The following LYZL2 variants were observed in gnomAD, a reference collection of about 807,000 sequenced individuals.
The protein encoded by LYZL2 is lysozyme-like protein 2.
Under a neutral mutation model 17.1 loss-of-function variants are expected in LYZL2, and 13 were observed. The ratio of observed to expected loss-of-function variants is 0.76; its 90% CI spans 0.49 to 1.21. The LOEUF (loss-of-function observed/expected upper bound fraction) is 1.21, where lower values mean the gene tolerates loss of function less well. Among genes scored for constraint, LYZL2 ranks in the 50% most tolerant of loss-of-function variants. The probability of loss-of-function intolerance (pLI) is 0.00; values close to 1 mark genes in which losing one functional copy is unlikely to be tolerated. For synonymous variants in LYZL2, 63 were observed against 74.4 expected (o/e 0.85, Z 0.79); for missense variants, 166 against 189.2 (o/e 0.88, Z 0.72).
chr10:30,610,270 G>A (rs759638652), downstream of LYZL2, among the ~76,000 whole-genome samples: 3 of 152,146 alleles, frequency 2.0e-5, no homozygotes, highest in Admixed American at 6.5e-5. Flanking sequence ...CTGGATGTTG[G>A]GGGTAAGAGC....
rs755268497 is a variant in LYZL2 at position 30,626,772 on chromosome 10, C to T, written c.139+5G>A. On this transcript the variant is annotated splice_donor_5th_base_variant and intron_variant, in intron 2 of 4. Transcript: ENST00000647634. ...AGAAAGAGAGCAGGAAAGAAATAAT[C>T]TCACAGTTTCCAAGGCTGAAGCCCC... The T allele has an allele frequency of 1.2e-6, 2 of 1,614,138 alleles. No homozygotes were observed. The highest frequency in any genetic ancestry group is 8.5e-7 in the Non-Finnish European group (1 of 1,180,058).
At chr10:30,616,581 G>C (rs780591070) in intron 3 of LYZL2, among the ~76,000 whole-genome samples, 29 of 152,172 alleles carry the variant, frequency 1.9e-4, no homozygotes, top group African/African-American at 2.9e-4. Flanking sequence ...TAAATATTTA[G>C]GATAATAACA....
intron 3 of LYZL2, 62 bp downstream of exon 3, chr10:30,626,043 T>C: frequency 6.4e-7 from 1 of 1,567,622 alleles, no homozygotes; most frequent in Non-Finnish European, 8.6e-7. Context: ...TGGTTGGTGA[T>C]CCCATTGTCG....
intron 3 of LYZL2, among the ~76,000 whole-genome samples, chr10:30,625,638 C>T (rs1474672314): frequency 3.3e-5 from 5 of 152,092 alleles, no homozygotes; most frequent in South Asian, 2.1e-4. Context: ...GAGCTATGAA[C>T]GCACCACTAC....
At chr10:30,611,579 GAA>G (rs773500925), downstream of LYZL2, among the ~76,000 whole-genome samples, 1 of 108,430 alleles carries the variant, frequency 9.2e-6, no homozygotes, top group African/African-American at 3.9e-5. Flanking sequence ...AGGAAAGAAA[GAA>G]AGAAAGAAAG....
Position 30,626,777 on chromosome 10 carries a change from A to G in LYZL2, c.139T>C (p.Trp47Arg), listed in dbSNP as rs1838715201. 1 of 1,614,260 alleles carries G rather than the reference A, an allele frequency of 6.2e-7. No homozygotes were observed. The highest frequency in any genetic ancestry group is 2.2e-5 in the East Asian group (1 of 44,890). Residue 47 changes from tryptophan (W) to arginine (R), a missense_variant and splice_region_variant, in exon 2 of 5, where the codon TGG becomes CGG. By Grantham distance (101) the Trp-to-Arg change is moderately radical (BLOSUM62 -3). This residue lies in a region of LYZL2 where 32 missense variants were observed against 59.8 expected (regional missense o/e 0.53). Coordinates refer to ENST00000647634, the MANE Select transcript of LYZL2 (RefSeq NM_183058.3). ...GAGAGCAGGAAAGAAATAATCTCAC[A>G]GTTTCCAAGGCTGAAGCCCCAGTAA... ...DNYWGFSLGN[W>R]ICMAYYESGY...
intron 3 of LYZL2, among the ~76,000 whole-genome samples, chr10:30,624,670 C>T (rs1294809407): frequency 1.3e-5 from 2 of 152,224 alleles, no homozygotes; most frequent in Non-Finnish European, 2.9e-5. Context: ...GTGGCTAGAA[C>T]TACAGGCATA....
chr10:30,627,528 A>G (rs576274159), intron 1 of LYZL2, among the ~76,000 whole-genome samples: 2 of 152,216 alleles, frequency 1.3e-5, no homozygotes, highest in South Asian at 2.1e-4. Flanking sequence ...CAAATAGTTA[A>G]TATTTACAAA....
At chr10:30,611,409 G>A (rs377056580), downstream of LYZL2, among the ~76,000 whole-genome samples, 28 of 149,048 alleles carry the variant, frequency 1.9e-4, 1 homozygote, top group African/African-American at 6.2e-4. Flanking sequence ...TGAGGCACAA[G>A]AATCGCTTGA....
intron 3 of LYZL2, among the ~76,000 whole-genome samples, chr10:30,615,973 C>T (rs79329348): frequency 0.11 from 17,249 of 152,148 alleles, 1,046 homozygotes; most frequent in South Asian, 0.18. Context: ...TATGTCTTTA[C>T]TGTATATTTT....
chr10:30,621,864 T>A (rs775567883), intron 3 of LYZL2, among the ~76,000 whole-genome samples: 12 of 152,016 alleles, frequency 7.9e-5, no homozygotes, highest in Admixed American at 2.6e-4. Context: ...ACTATAAAAC[T>A]TTTTTCTCAT....
downstream of LYZL2, among the ~76,000 whole-genome samples, chr10:30,608,733 T>C (rs1217325600): frequency 6.6e-6 from 1 of 152,228 alleles, no homozygotes; most frequent in Non-Finnish European, 1.5e-5. Flanking sequence ...ATAATAAACA[T>C]GAACTTGATT....
chr10:30,616,659 C>T (rs943050731), intron 3 of LYZL2, among the ~76,000 whole-genome samples: 6 of 152,202 alleles, frequency 3.9e-5, no homozygotes, highest in Non-Finnish European at 5.9e-5. Context: ...AATCTCTTCA[C>T]GCAAAATCTC....
At chr10:30,621,091 T>A (rs180912239) in intron 3 of LYZL2, among the ~76,000 whole-genome samples, 5 of 152,188 alleles carry the variant, frequency 3.3e-5, no homozygotes, top group African/African-American at 1.2e-4. Context: ...AACTCAGGGA[T>A]ACAAAATGTT....
intron 3 of LYZL2, among the ~76,000 whole-genome samples, chr10:30,623,232 C>T (rs1460765252): frequency 6.6e-6 from 1 of 152,062 alleles, no homozygotes; most frequent in East Asian, 1.9e-4. Context: ...TATAGTAGAA[C>T]AAGTAAGAAA....
chr10:30,620,568 G>A (rs1397685406), intron 3 of LYZL2, among the ~76,000 whole-genome samples: 1 of 152,168 alleles, frequency 6.6e-6, no homozygotes. Flanking sequence ...GGACTCACAA[G>A]AGCCGTCAAC....
chr10:30,611,945 C>T lies in LYZL2; in HGVS notation c.*10G>A. ...GCGTTGCTGCAAAGCATCCTGGGTC[C>T]AGTTCCAGTTTAGGAAACCTCACAG... On this transcript the variant is annotated 3_prime_UTR_variant, in exon 5 of 5. Coordinates refer to ENST00000647634, the MANE Select transcript of LYZL2 (RefSeq NM_183058.3). 6.2e-7 allele frequency: 1 copy of T among 1,614,204 alleles called. No homozygotes were observed. Among genetic ancestry groups the T allele is most frequent in the Non-Finnish European group, 8.5e-7 (1 of 1,180,024 alleles).
intron 3 of LYZL2, among the ~76,000 whole-genome samples, chr10:30,623,154 C>T (rs951011611): frequency 1.3e-5 from 2 of 152,090 alleles, no homozygotes; most frequent in East Asian, 3.9e-4. Context: ...CAAAAATGGA[C>T]GAGACTGAAA....
chr10:30,615,887 G>GAA (rs35234112), intron 3 of LYZL2, among the ~76,000 whole-genome samples: 400 of 151,056 alleles, frequency 2.6e-3, no homozygotes, highest in African/African-American at 7.6e-3. Flanking sequence ...CACTGGTTTA[G>GAA]AAAAAAAAAG....
Sources: gnomAD v4.1 joint callset for allele counts (sites outside exome capture counted in the v4.1 genomes callset) on GRCh38, gnomAD v4.1.1 for gene constraint, gnomAD v4.1.1 regional missense constraint, MANE v1.5 for transcripts, NCBI Gene and HGNC (gene_info 2026-07-23, HGNC 2026-07-21) for gene names.